The following CEP63 variants were observed in gnomAD, a reference collection of about 807,000 sequenced individuals.
CEP63 encodes the protein centrosomal protein 63.
In CEP63, 84 loss-of-function variants were observed where a neutral mutation model predicts 89.1. The ratio of observed to expected loss-of-function variants is 0.94; its 90% confidence interval spans 0.79 to 1.13. The LOEUF is 1.13. Ranked by LOEUF, CEP63 falls within the 50% of genes most tolerant of loss-of-function variation. CEP63 has a pLI of 0.00. For synonymous variants in CEP63, 267 were observed against 272.5 expected (o/e 0.98, Z 0.20); for missense variants, 838 against 813.3 (o/e 1.03, Z -0.37).
At chr3:134,635,952 C>T in the CEP63 span, among the ~76,000 whole-genome samples, 745 of 152,256 alleles carry the variant, frequency 4.9e-3, 5 homozygotes, top group Non-Finnish European at 8.3e-3. Context: ...GTGAGCATAG[C>T]CATATGTTAT....
At chr3:134,633,473 C>T in the CEP63 span, among the ~76,000 whole-genome samples, 2 of 152,042 alleles carry the variant, frequency 1.3e-5, no homozygotes, top group South Asian at 4.1e-4. Context: ...ATGTAATTCA[C>T]CATATTAACA....
Position 134,561,855 on chromosome 3 carries a change from G to A in CEP63, c.*320G>A. 4.6e-6 allele frequency: 5 copies of A among 1,081,800 alleles called. No individual in the cohort carries two copies. Among genetic ancestry groups the A allele is most frequent in the Non-Finnish European group, 5.6e-6 (5 of 888,546 alleles). 67.0% of individuals were successfully genotyped at this position (1,081,800 alleles called of 1,614,324 possible). ...AATAGCTATGTACTAATTGAAATAAGGATTTTATGATACATGTTGAAAATA... is the reference window on the plus strand; with the variant it reads ...AATAGCTATGTACTAATTGAAATAAAGATTTTATGATACATGTTGAAAATA... On this transcript the variant is annotated 3_prime_UTR_variant, in exon 15 of 15. Transcript: ENST00000675561.
intron 7 of CEP63, 27 bp downstream of exon 7, chr3:134,545,846 G>A (rs1560001977): frequency 1.3e-6 from 2 of 1,518,918 alleles, no homozygotes; most frequent in Admixed American, 3.6e-5. Context: ...CTATAATTGG[G>A]GGAAGTGTGT....
intron 3 of CEP63, among the ~76,000 whole-genome samples, chr3:134,528,565 T>TGC (rs202086843): frequency 0.15 from 19,410 of 126,422 alleles, 1,599 homozygotes; most frequent in Non-Finnish European, 0.22. Context: ...TGTGTGTGTG[T>TGC]GTGCGTGTGT....
the CEP63 span, among the ~76,000 whole-genome samples, chr3:134,635,342 C>G: frequency 6.6e-6 from 1 of 151,724 alleles, no homozygotes; most frequent in Non-Finnish European, 1.5e-5. Context: ...ACTAAAAATA[C>G]AAAGATTAGC....
chr3:134,628,169 A>C, the CEP63 span: 4 of 283,344 alleles, frequency 1.4e-5, no homozygotes, highest in East Asian at 3.0e-4. Context: ...TCTTGAATCC[A>C]CTGCCAGATA....
the CEP63 span, among the ~76,000 whole-genome samples, chr3:134,752,347 G>A: frequency 1.3e-5 from 2 of 152,136 alleles, no homozygotes; most frequent in Non-Finnish European, 2.9e-5. Flanking sequence ...CCAGCCCTGT[G>A]CCTGAGGAAA....
At chr3:134,530,699 A>G (rs751992315) in intron 3 of CEP63, among the ~76,000 whole-genome samples, 7 of 152,082 alleles carry the variant, frequency 4.6e-5, no homozygotes, top group Non-Finnish European at 8.8e-5. Flanking sequence ...TTAAAACTAG[A>G]CTTTTCCATT....
chr3:134,758,429 G>A, the CEP63 span, among the ~76,000 whole-genome samples: 1 of 152,138 alleles, frequency 6.6e-6, no homozygotes, highest in Admixed American at 6.5e-5. Context: ...TGTAACAAAA[G>A]CCCGAAAACT....
intron 6 of CEP63, among the ~76,000 whole-genome samples, chr3:134,540,863 C>A (rs1951857377): frequency 6.6e-6 from 1 of 151,150 alleles, no homozygotes; most frequent in African/African-American, 2.4e-5. Flanking sequence ...CGGCTGACTG[C>A]AACCTCTGCC....
At chr3:134,488,335 CG>C (rs1478072722) in intron 1 of CEP63, among the ~76,000 whole-genome samples, 1 of 152,176 alleles carries the variant, frequency 6.6e-6, no homozygotes, top group African/African-American at 2.4e-5. Context: ...AGTGGTTGGC[CG>C]GGCGCGGTGA....
chr3:134,705,117 G>A, the CEP63 span, among the ~76,000 whole-genome samples: 1 of 152,120 alleles, frequency 6.6e-6, no homozygotes, highest in African/African-American at 2.4e-5. Flanking sequence ...TTTGGATTCT[G>A]TCTTAGTTCA....
chr3:134,541,657 G>A (rs1333621477), intron 6 of CEP63, among the ~76,000 whole-genome samples: 1 of 151,880 alleles, frequency 6.6e-6, no homozygotes, highest in Middle Eastern at 3.4e-3. Context: ...AGGATTACAG[G>A]CGTGCACCAC....
chr3:134,613,906 C>G, the CEP63 span, among the ~76,000 whole-genome samples: 1 of 152,196 alleles, frequency 6.6e-6, no homozygotes, highest in Non-Finnish European at 1.5e-5. Flanking sequence ...TTCATGTCAT[C>G]AAAAGATCAC....
At chr3:134,643,424 T>C in the CEP63 span, 1 of 1,555,372 alleles carries the variant, frequency 6.4e-7, no homozygotes, top group Non-Finnish European at 8.9e-7. Flanking sequence ...CTGGGGAATT[T>C]TCCCCAGGCA....
At chr3:134,632,001 G>T in the CEP63 span, among the ~76,000 whole-genome samples, 1 of 152,068 alleles carries the variant, frequency 6.6e-6, no homozygotes, top group African/African-American at 2.4e-5. Context: ...AGCTGGAGTT[G>T]CTATGTTAAT....
chr3:134,635,605 G>T, the CEP63 span, among the ~76,000 whole-genome samples: 1 of 151,766 alleles, frequency 6.6e-6, no homozygotes, highest in East Asian at 1.9e-4. Context: ...TAGAACTGCT[G>T]TATATTCCGA....
chr3:134,737,459 GA>G, the CEP63 span, among the ~76,000 whole-genome samples: 1 of 151,422 alleles, frequency 6.6e-6, no homozygotes, highest in African/African-American at 2.4e-5. Context: ...CATAATCCAA[GA>G]AAAAAAAGAC....
chr3:134,669,132 C>A, the CEP63 span, among the ~76,000 whole-genome samples: 1 of 152,196 alleles, frequency 6.6e-6, no homozygotes, highest in East Asian at 1.9e-4. Flanking sequence ...CTCAAACAAT[C>A]ATCTCACCTC....
Sources: allele counts gnomAD v4.1 joint callset (sites outside exome capture counted in the v4.1 genomes callset), GRCh38; gene constraint gnomAD v4.1.1; transcripts MANE v1.5; gene names NCBI Gene and HGNC (gene_info 2026-07-23, HGNC 2026-07-21).